Variants in SETBP1 observed in about 807,000 individuals in gnomAD.
SETBP1 encodes the protein SET-binding protein.
Under a neutral mutation model 101.0 loss-of-function variants are expected in SETBP1, and 9 were observed. The ratio of observed to expected loss-of-function variants is 0.09; its 90% CI spans 0.05 to 0.16. The LOEUF (loss-of-function observed/expected upper bound fraction) is 0.16. Ranked by LOEUF, SETBP1 falls within the 10% of genes least tolerant of loss-of-function variation. The pLI is 1.00. For missense variants in SETBP1, 1,858 were observed against 2,033.8 expected (o/e 0.91, Z 1.66); for synonymous variants, 818 against 788.5 (o/e 1.04, Z -0.63).
intron 4 of SETBP1, among the ~76,000 whole-genome samples, chr18:44,982,433 C>T (rs1297822389): frequency 2.0e-5 from 3 of 152,202 alleles, no homozygotes; most frequent in South Asian, 4.1e-4. Flanking sequence ...TAGGGTATTC[C>T]CTGCCTAAAC....
At chr18:44,929,032 T>G (rs1163839805) in intron 3 of SETBP1, among the ~76,000 whole-genome samples, 1 of 152,226 alleles carries the variant, frequency 6.6e-6, no homozygotes, top group Non-Finnish European at 1.5e-5. Context: ...TAGTATTGCC[T>G]AGGTTTTCTT....
At chr18:44,752,862 G>A (rs2070416355) in intron 2 of SETBP1, among the ~76,000 whole-genome samples, 1 of 152,156 alleles carries the variant, frequency 6.6e-6, no homozygotes, top group Admixed American at 6.5e-5. Context: ...GGAATTGGAT[G>A]CCCAATTTTG....
chr18:45,025,659 A>G (rs907537525), intron 4 of SETBP1, among the ~76,000 whole-genome samples: 1 of 152,246 alleles, frequency 6.6e-6, no homozygotes, highest in East Asian at 1.9e-4. Flanking sequence ...AAGGACACCC[A>G]ATAAAGCACT....
intron 2 of SETBP1, among the ~76,000 whole-genome samples, chr18:44,829,957 C>A (rs1343830175): frequency 1.3e-5 from 2 of 152,236 alleles, no homozygotes; most frequent in South Asian, 4.1e-4. Context: ...AAATAGTATT[C>A]TTGAGGTCTT....
intron 4 of SETBP1, among the ~76,000 whole-genome samples, chr18:45,011,574 C>A (rs750008020): frequency 7.9e-5 from 12 of 152,226 alleles, no homozygotes; most frequent in Non-Finnish European, 1.3e-4. Flanking sequence ...GATTTACACA[C>A]AGGTGTAGCC....
rs116215888 is a variant in SETBP1, at chr18:44,953,421, T to C, written c.4000+81T>C. 2.7e-4 allele frequency: 334 copies of C among 1,251,530 alleles called. 2 individuals carry two copies. In the African/African-American group the frequency reaches 4.2e-3, roughly 16 times the overall value. The allele number at this position is 1,251,530 out of a possible 1,614,324, so 77.5% of individuals were successfully genotyped here. A position where few individuals can be genotyped will look rare whatever the true frequency, so the allele number is the denominator to read the frequency against. On this transcript the variant is annotated intron_variant, in intron 4 of 5. Transcript: ENST00000649279. Reference sequence around the variant, plus strand: ...GCACCTCAGACACATCTGTGGCACATTGTGTTCACTAGTTTGCAAAGAGGT... The same window carrying C: ...GCACCTCAGACACATCTGTGGCACACTGTGTTCACTAGTTTGCAAAGAGGT...
Position 44,963,923 on chromosome 18 carries a change from G to A in SETBP1, c.4000+10583G>A, listed in dbSNP as rs796955932. On this transcript the variant is annotated intron_variant, in intron 4 of 5. Coordinates refer to ENST00000649279, the MANE Select transcript of SETBP1 (RefSeq NM_015559.3). ...TCAAAAAAAAAAAAAAAAAAAAAAA[G>A]GGTTATATATACTAAAAGTAAAACC... Among the ~76,000 whole-genome samples, 39 of 76,354 alleles carry A rather than the reference G, an allele frequency of 5.1e-4. No homozygotes were observed. The South Asian group carries it at 6.7e-3, about 13-fold the overall frequency. 50.1% of individuals were successfully genotyped at this position (76,354 alleles called of 152,430 possible). A position where few individuals can be genotyped will look rare whatever the true frequency, so the allele number is the denominator to read the frequency against.
intron 4 of SETBP1, among the ~76,000 whole-genome samples, chr18:45,010,525 T>C (rs751367950): frequency 7.2e-5 from 11 of 152,256 alleles, no homozygotes; most frequent in Non-Finnish European, 1.6e-4. Flanking sequence ...TTTACATTCC[T>C]TAAATAAATA....
At chr18:44,723,213 C>T (rs1288000941) in intron 2 of SETBP1, among the ~76,000 whole-genome samples, 1 of 152,220 alleles carries the variant, frequency 6.6e-6, no homozygotes, top group Non-Finnish European at 1.5e-5. Flanking sequence ...TTCTCCTTCT[C>T]TTCCTCTCAC....
chr18:44,863,352 T>C (rs2069056168), intron 2 of SETBP1, among the ~76,000 whole-genome samples: 2 of 152,222 alleles, frequency 1.3e-5, no homozygotes, highest in African/African-American at 4.8e-5. Context: ...CTCCACTGGG[T>C]AAGTCACTTT....
chr18:45,051,092 G>A (rs926940137), intron 5 of SETBP1, among the ~76,000 whole-genome samples: 5 of 152,068 alleles, frequency 3.3e-5, no homozygotes. Context: ...ATTTATATGA[G>A]AGCATATGTC....
At chr18:45,011,506 A>G (rs1474952398) in intron 4 of SETBP1, among the ~76,000 whole-genome samples, 3 of 152,210 alleles carry the variant, frequency 2.0e-5, no homozygotes, top group Non-Finnish European at 4.4e-5. Flanking sequence ...TCATCCACAG[A>G]GTCTCACTAG....
intron 2 of SETBP1, among the ~76,000 whole-genome samples, chr18:44,799,774 G>A (rs182030847): frequency 4.0e-4 from 61 of 152,246 alleles, no homozygotes; most frequent in Middle Eastern, 3.4e-3. Context: ...CAGCATGGAG[G>A]AAGCTGGGAA....
Position 45,015,446 on chromosome 18 carries a change from A to G in SETBP1, c.4001-23039A>G, listed in dbSNP as rs1325948285. ...AAGAACCTAACTACAGTGAATAGGT[A>G]TAAGGTGCTTAGAAGCACACTTAAC... On this transcript the variant is annotated intron_variant, in intron 4 of 5. Coordinates refer to ENST00000649279, the MANE Select transcript of SETBP1 (RefSeq NM_015559.3). 3.3e-5 allele frequency among the ~76,000 whole-genome samples: 5 copies of G among 152,184 alleles called. No individual in the cohort carries two copies. In the South Asian group the frequency reaches 6.2e-4, roughly 19 times the overall value.
Position 44,879,288 on chromosome 18 carries a change from A to T in SETBP1, c.540+10005A>T, listed in dbSNP as rs191160357. Among the ~76,000 whole-genome samples, 26 of 152,332 alleles carry T rather than the reference A, an allele frequency of 1.7e-4. No homozygotes were observed. The East Asian group carries it at 3.5e-3, about 20-fold the overall frequency. On this transcript the variant is annotated intron_variant, in intron 3 of 5. Transcript: ENST00000649279. The stretch of plus-strand genomic sequence containing the variant: ...GAGCAATGATTTTGGAACCAAACTG[A>T]TAAGTTTGAATCACAGGTTGGACTT...
chr18:44,830,928 T>C (rs1448119770), intron 2 of SETBP1, among the ~76,000 whole-genome samples: 1 of 152,200 alleles, frequency 6.6e-6, no homozygotes, highest in African/African-American at 2.4e-5. Context: ...GACTGCCTTA[T>C]AGAGGGAGTG....
chr18:44,698,031 T>C (rs1194747376), intron 1 of SETBP1, among the ~76,000 whole-genome samples: 1 of 152,160 alleles, frequency 6.6e-6, no homozygotes, highest in Non-Finnish European at 1.5e-5. Context: ...TTGACTTGAG[T>C]AGTTACTGCA....
At chr18:44,877,492 A>G in intron 3 of SETBP1, 2 of 494,970 alleles carry the variant, frequency 4.0e-6, no homozygotes, top group South Asian at 8.8e-5. Flanking sequence ...TCCAAAAAAA[A>G]TGGTTCCACT....
At chr18:44,817,971 G>A (rs866283666) in intron 2 of SETBP1, among the ~76,000 whole-genome samples, 14 of 152,304 alleles carry the variant, frequency 9.2e-5, no homozygotes, top group South Asian at 6.2e-4. Context: ...CCAGACTTAC[G>A]TGTTTTGCTA....
Sources: gnomAD v4.1 joint callset for allele counts (sites outside exome capture counted in the v4.1 genomes callset) on GRCh38, gnomAD v4.1.1 for gene constraint, MANE v1.5 for transcripts, NCBI Gene and HGNC (gene_info 2026-07-23, HGNC 2026-07-21) for gene names.